Variants in CELF2 observed in about 807,000 individuals in gnomAD.
CELF2 encodes CUGBP Elav-like family member 2, also known as CUG triplet repeat RNA-binding protein 2.
CELF2 carries 8 observed loss-of-function variants against 62.6 expected under a neutral mutation model. That is an observed-to-expected ratio of 0.13 (90% confidence interval 0.07 to 0.23). The LOEUF is 0.23. Ranked by LOEUF, CELF2 falls within the 10% of genes least tolerant of loss-of-function variation. The pLI is 1.00. For synonymous variants in CELF2, 258 were observed against 250.0 expected, an observed-to-expected ratio of 1.03 and a Z score of -0.30; for missense variants, 333 against 671.0, an observed-to-expected ratio of 0.50 and a Z score of 5.56.
rs1014767548 is a variant in CELF2, at chr10:11,290,756, G to A, written c.976+2204G>A. Among the ~76,000 whole-genome samples the A allele has an allele frequency of 1.3e-5, 2 of 152,102 alleles. No homozygotes were observed. The highest frequency in any genetic ancestry group is 2.4e-5 in the African/African-American group (1 of 41,410). ...GGCTTCTTGCCCTTCAGAACACGCC[G>A]CTCGCTTAGGTGTCACTGAGAGCGA... On this transcript the variant is annotated intron_variant, in intron 9 of 12. Coordinates refer to ENST00000633077, the MANE Select transcript of CELF2 (RefSeq NM_001326342.2). This position sits in a 1 kb window ranked among gnomAD's most constrained non-coding sequence, Gnocchi z 4.3.
the CELF2 span, among the ~76,000 whole-genome samples, chr10:10,657,567 T>A: frequency 1.3e-5 from 2 of 152,174 alleles, no homozygotes; most frequent in African/African-American, 4.8e-5. Flanking sequence ...GCAACGTGAC[T>A]AATTCCCACA....
intron 1 of CELF2, among the ~76,000 whole-genome samples, chr10:10,913,891 A>AAGGAAGGAAGGAAGGAAGAAGGG (rs2064075846): frequency 9.7e-6 from 1 of 102,770 alleles, no homozygotes; most frequent in Non-Finnish European, 1.9e-5. Flanking sequence ...AGGAAGAAGG[A>AAGGAAGGAAGGAAGGAAGAAGGG]AGGGAGGGAG....
At chr10:10,994,625 A>G (rs921323058) in intron 2 of CELF2, among the ~76,000 whole-genome samples, 10 of 152,294 alleles carry the variant, frequency 6.6e-5, no homozygotes, top group African/African-American at 1.9e-4. Context: ...CCCTGTTGTG[A>G]ACAGCACATG....
At chr10:10,900,740 A>T (rs2062877081) in intron 1 of CELF2, among the ~76,000 whole-genome samples, 1 of 152,208 alleles carries the variant, frequency 6.6e-6, no homozygotes, top group Non-Finnish European at 1.5e-5. Context: ...GCAATACAAA[A>T]GTACAACATA....
At chr10:11,241,722 C>T (rs755144429) in intron 3 of CELF2, among the ~76,000 whole-genome samples, 7 of 152,112 alleles carry the variant, frequency 4.6e-5, no homozygotes, top group Non-Finnish European at 8.8e-5. Flanking sequence ...CATAATAGAA[C>T]AGTGGCTGGA....
intron 1 of CELF2, among the ~76,000 whole-genome samples, chr10:10,822,350 C>T (rs2057036552): frequency 6.6e-6 from 1 of 152,164 alleles, no homozygotes; most frequent in Non-Finnish European, 1.5e-5. Context: ...ATCTCAGAGG[C>T]AAATTCTGCA....
the CELF2 span, among the ~76,000 whole-genome samples, chr10:10,690,027 T>C: frequency 6.6e-6 from 1 of 152,216 alleles, no homozygotes; most frequent in Non-Finnish European, 1.5e-5. Flanking sequence ...GATGACCATC[T>C]CTGTGGAACA....
In CELF2 at chr10:10,997,726, A is replaced by G. The variant is rs1430186320; in HGVS notation, c.89+77727A>G. Among the ~76,000 whole-genome samples, 1 of 152,236 alleles carries G rather than the reference A, an allele frequency of 6.6e-6. No individual in the cohort carries two copies. The highest frequency in any genetic ancestry group is 1.5e-5 in the Non-Finnish European group (1 of 68,038). On this transcript the variant is annotated intron_variant, in intron 2 of 13. Coordinates refer to the CELF2 transcript ENST00000636488. The surrounding 1 kb of genome is among the most constrained non-coding windows in gnomAD (Gnocchi z 5.3). ...ACATGCATCTTGCACAAGCTGGACA[A>G]GTAGGCAGTGGTTGACAAAGAAAAG...
chr10:10,791,886 G>A, the CELF2 span, among the ~76,000 whole-genome samples: 7 of 151,934 alleles, frequency 4.6e-5, no homozygotes, highest in Admixed American at 6.6e-5. Flanking sequence ...CTAATAGCTT[G>A]ATTTTATTTG....
chr10:11,190,763 ATC>A (rs1404706321), intron 2 of CELF2, among the ~76,000 whole-genome samples: 7 of 103,690 alleles, frequency 6.8e-5, no homozygotes, highest in Non-Finnish European at 9.4e-5. Flanking sequence ...TGGGTTTTGT[ATC>A]TCTTTTCTTT....
intron 1 of CELF2, among the ~76,000 whole-genome samples, chr10:11,026,420 G>C (rs1429950332): frequency 6.6e-6 from 1 of 152,178 alleles, no homozygotes; most frequent in Non-Finnish European, 1.5e-5. Context: ...TGGAACTCGG[G>C]GGGAAGACAT....
At chr10:10,507,101 T>C in the CELF2 span, among the ~76,000 whole-genome samples, 2 of 152,160 alleles carry the variant, frequency 1.3e-5, no homozygotes, top group Admixed American at 1.3e-4. Context: ...CACTTCGTCA[T>C]TTCAGCGATC....
Position 11,302,435 on chromosome 10 carries a change from G to A in CELF2, c.977-11704G>A, listed in dbSNP as rs1032675217. 6.6e-6 allele frequency among the ~76,000 whole-genome samples: 1 copy of A among 151,266 alleles called. No individual in the cohort carries two copies. Among genetic ancestry groups the A allele is most frequent in the Non-Finnish European group, 1.5e-5 (1 of 68,036 alleles). ...GGAGCCCCAGGTGGTGCCGATGCGGGCGAGGCTGTAACTTTACAGTAACGA... is the reference window on the plus strand; with the variant it reads ...GGAGCCCCAGGTGGTGCCGATGCGGACGAGGCTGTAACTTTACAGTAACGA... On this transcript the variant is annotated intron_variant, in intron 9 of 12. Coordinates refer to ENST00000633077, the MANE Select transcript of CELF2 (RefSeq NM_001326342.2). The surrounding 1 kb of genome is among the most constrained non-coding windows in gnomAD (Gnocchi z 5.0).
At chr10:11,284,743 G>T (rs1434038218) in intron 8 of CELF2, among the ~76,000 whole-genome samples, 1 of 151,204 alleles carries the variant, frequency 6.6e-6, no homozygotes, top group Non-Finnish European at 1.5e-5. Context: ...ATGGGTGGGT[G>T]GATGGATAGA....
At chr10:10,646,140 T>C in the CELF2 span, among the ~76,000 whole-genome samples, 1 of 152,166 alleles carries the variant, frequency 6.6e-6, no homozygotes, top group Non-Finnish European at 1.5e-5. Flanking sequence ...TTTTTCCCTA[T>C]GAGACAGGGC....
upstream of CELF2, among the ~76,000 whole-genome samples, chr10:10,798,143 T>C (rs180891947): frequency 2.3e-3 from 349 of 152,278 alleles, no homozygotes; most frequent in Non-Finnish European, 4.1e-3. Flanking sequence ...CAGTAAAGTC[T>C]AGCTTGTTTG....
chr10:11,151,553 T>G (rs1335729509), intron 1 of CELF2, among the ~76,000 whole-genome samples: 1 of 152,190 alleles, frequency 6.6e-6, no homozygotes, highest in South Asian at 2.1e-4. Flanking sequence ...TTCCTGGAGA[T>G]GTATCAGTAC....
the CELF2 span, among the ~76,000 whole-genome samples, chr10:10,512,067 A>C: frequency 6.6e-6 from 1 of 152,332 alleles, no homozygotes; most frequent in South Asian, 2.1e-4. Context: ...GACTATGAGG[A>C]TCTGGCAAAG....
chr10:11,136,123 G>T (rs956371426), intron 1 of CELF2, among the ~76,000 whole-genome samples: 20 of 152,204 alleles, frequency 1.3e-4, no homozygotes, highest in Non-Finnish European at 1.5e-5. Flanking sequence ...TTCAACCTTG[G>T]ATTGGAAGGT....
Sources: allele counts gnomAD v4.1 joint callset (sites outside exome capture counted in the v4.1 genomes callset), GRCh38; gene constraint gnomAD v4.1.1; non-coding constraint Gnocchi (gnomAD v3.1); transcripts MANE v1.5; gene names NCBI Gene and HGNC (gene_info 2026-07-23, HGNC 2026-07-21).